FHIT: variants seen among roughly 807,000 people sequenced by gnomAD.
FHIT encodes the protein fragile histidine triad diadenosine triphosphatase.
In FHIT, 19 loss-of-function variants were observed where a neutral mutation model predicts 17.9. That is an observed-to-expected ratio of 1.06 (90% CI 0.74 to 1.56). The LOEUF (loss-of-function observed/expected upper bound fraction) is 1.56, where lower values mean the gene tolerates loss of function less well. Ranked by LOEUF, FHIT falls within the 40% of genes most tolerant of loss-of-function variation. FHIT has a pLI of 0.00. For synonymous variants in FHIT, 81 were observed against 69.7 expected (o/e 1.16, Z -0.81); for missense variants, 248 against 189.2 (o/e 1.31, Z -1.82).
chr3:60,443,681 T>C (rs2031096473), intron 5 of FHIT, among the ~76,000 whole-genome samples: 1 of 152,222 alleles, frequency 6.6e-6, no homozygotes, highest in African/African-American at 2.4e-5. Context: ...TTGCCAGTAT[T>C]TTATTGAGGA....
chr3:60,377,251 T>C (rs1038466159), intron 5 of FHIT, among the ~76,000 whole-genome samples: 6 of 149,394 alleles, frequency 4.0e-5, no homozygotes, highest in African/African-American at 7.5e-5. Flanking sequence ...CAGGCCGGAG[T>C]GCAGTGGTGC....
intron 5 of FHIT, among the ~76,000 whole-genome samples, chr3:60,460,879 A>C (rs2032418375): frequency 6.6e-6 from 1 of 152,236 alleles, no homozygotes; most frequent in Non-Finnish European, 1.5e-5. Context: ...AATATAATTC[A>C]TGTTGGAAGT....
chr3:59,852,165 T>C (rs914931836), intron 8 of FHIT, among the ~76,000 whole-genome samples: 2 of 152,204 alleles, frequency 1.3e-5, no homozygotes, highest in African/African-American at 4.8e-5. Flanking sequence ...TTAGGTAAAC[T>C]AGCTGGAGGC....
At chr3:59,790,403 T>C (rs1699497163) in intron 8 of FHIT, among the ~76,000 whole-genome samples, 1 of 152,126 alleles carries the variant, frequency 6.6e-6, no homozygotes, top group Non-Finnish European at 1.5e-5. Flanking sequence ...AGGAGGCATT[T>C]TAAGGTGGCA....
At chr3:59,813,988 G>C (rs1008789202) in intron 8 of FHIT, among the ~76,000 whole-genome samples, 1 of 151,302 alleles carries the variant, frequency 6.6e-6, no homozygotes, top group Non-Finnish European at 1.5e-5. Flanking sequence ...GTCTGTCACT[G>C]ACAATTCTAA....
At chr3:60,714,074 G>T (rs1359097217) in intron 4 of FHIT, among the ~76,000 whole-genome samples, 1 of 152,144 alleles carries the variant, frequency 6.6e-6, no homozygotes, top group African/African-American at 2.4e-5. Context: ...ACAACAAAAA[G>T]CTTATCCACC....
chr3:59,834,397 G>T (rs1701268667), intron 8 of FHIT, among the ~76,000 whole-genome samples: 1 of 152,108 alleles, frequency 6.6e-6, no homozygotes, highest in Non-Finnish European at 1.5e-5. Context: ...AGGTAACTTA[G>T]ACATATAGAT....
At chr3:60,819,121 C>T (rs1553738545) in intron 4 of FHIT, among the ~76,000 whole-genome samples, 1 of 150,510 alleles carries the variant, frequency 6.6e-6, no homozygotes, top group East Asian at 1.9e-4. Context: ...ACTTACTTAG[C>T]CATATTGGAA....
chr3:60,461,071 C>CA (rs1410071399), intron 5 of FHIT, among the ~76,000 whole-genome samples: 2 of 135,504 alleles, frequency 1.5e-5, no homozygotes, highest in Admixed American at 1.4e-4. Flanking sequence ...ACGTTAACGG[C>CA]AAAAAAATAC....
intron 1 of FHIT, among the ~76,000 whole-genome samples, chr3:61,226,737 G>C (rs1473994166): frequency 6.6e-6 from 1 of 152,208 alleles, no homozygotes; most frequent in Non-Finnish European, 1.5e-5. Context: ...TATTAGTTTA[G>C]TGTCCATACA....
intron 4 of FHIT, among the ~76,000 whole-genome samples, chr3:60,582,486 G>A (rs1212982282): frequency 6.6e-6 from 1 of 152,020 alleles, no homozygotes; most frequent in Non-Finnish European, 1.5e-5. Context: ...TATTTCCACT[G>A]GAGGGCAGTC....
chr3:61,160,932 T>A (rs1347956802), intron 2 of FHIT, among the ~76,000 whole-genome samples: 3 of 152,208 alleles, frequency 2.0e-5, no homozygotes, highest in African/African-American at 7.2e-5. Flanking sequence ...AAGGCTCTTC[T>A]CTTTTGTTCA....
chr3:60,202,549 T>C (rs1288887111), intron 5 of FHIT, among the ~76,000 whole-genome samples: 4 of 152,212 alleles, frequency 2.6e-5, no homozygotes, highest in Non-Finnish European at 4.4e-5. Context: ...TAGTTATGGT[T>C]GCCTGATTGT....
chr3:60,600,351 G>T (rs1553668319), intron 4 of FHIT, among the ~76,000 whole-genome samples: 1 of 41,682 alleles, frequency 2.4e-5, no homozygotes, highest in African/African-American at 1.5e-4. Flanking sequence ...AAAAATAATT[G>T]TTTTCATTTG....
intron 5 of FHIT, among the ~76,000 whole-genome samples, chr3:60,035,132 A>T (rs560373537): frequency 3.9e-5 from 6 of 152,348 alleles, no homozygotes; most frequent in African/African-American, 1.2e-4. Context: ...TCAGCCCAGT[A>T]AAAATGAGCT....
rs140630392 is a variant in FHIT, at chr3:60,124,215, G to T, written c.104-110063C>A. Among the ~76,000 whole-genome samples, 1,120 of 150,734 alleles carry T rather than the reference G, an allele frequency of 7.4e-3. 12 individuals are homozygous for T. Among genetic ancestry groups the T allele is most frequent in the African/African-American group, 0.026 (1,062 of 41,030 alleles). On this transcript the variant is annotated intron_variant, in intron 5 of 9. Coordinates refer to ENST00000492590, the MANE Select transcript of FHIT (RefSeq NM_002012.4). ...TTACAGGCATGAACCACTGCACCTG[G>T]CCTACATTTTTTTTAAAACAACAAT...
intron 4 of FHIT, among the ~76,000 whole-genome samples, chr3:60,663,458 G>A (rs555852061): frequency 6.6e-5 from 10 of 151,014 alleles, no homozygotes; most frequent in South Asian, 2.1e-4. Context: ...TTTCTGAGAC[G>A]GAATTTCACT....
At chr3:59,867,034 C>G (rs182907899) in intron 8 of FHIT, among the ~76,000 whole-genome samples, 2 of 150,906 alleles carry the variant, frequency 1.3e-5, no homozygotes, top group Admixed American at 1.3e-4. Flanking sequence ...AGTTCATTAA[C>G]AGGGATTGCA....
intron 3 of FHIT, among the ~76,000 whole-genome samples, chr3:61,040,751 A>G (rs1489456392): frequency 6.6e-6 from 1 of 152,212 alleles, no homozygotes; most frequent in Non-Finnish European, 1.5e-5. Context: ...ACACTTTCAG[A>G]CATCCCATCC....
Sources: gnomAD v4.1 joint callset for allele counts (sites outside exome capture counted in the v4.1 genomes callset) on GRCh38, gnomAD v4.1.1 for gene constraint, MANE v1.5 for transcripts, NCBI Gene and HGNC (gene_info 2026-07-23, HGNC 2026-07-21) for gene names.